The following FAM135B variants were observed in gnomAD, a reference collection of about 807,000 sequenced individuals.
FAM135B encodes family with sequence similarity 135 member B.
In FAM135B, 43 loss-of-function variants were observed where a neutral mutation model predicts 127.7. The observed-to-expected ratio is 0.34, with a 90% CI of 0.26 to 0.43. The LOEUF (loss-of-function observed/expected upper bound fraction) is 0.43, where lower values mean the gene tolerates loss of function less well. Among genes scored for constraint, FAM135B ranks in the 20% least tolerant of loss-of-function variants. The pLI is 1.00. For synonymous variants in FAM135B, 670 were observed against 665.1 expected (o/e 1.01, Z -0.11); for missense variants, 1,558 against 1,725.6 (o/e 0.90, Z 1.72).
At chr8:138,269,146 TTTC>T (rs1823174754) in intron 3 of FAM135B, among the ~76,000 whole-genome samples, 1 of 152,184 alleles carries the variant, frequency 6.6e-6, no homozygotes, top group Non-Finnish European at 1.5e-5. Flanking sequence ...GGTGCTGTAG[TTTC>T]TTCTTCTCCC....
At chr8:138,486,001 A>G (rs1449292816) in intron 1 of FAM135B, among the ~76,000 whole-genome samples, 1 of 152,062 alleles carries the variant, frequency 6.6e-6, no homozygotes, top group East Asian at 1.9e-4. Context: ...AAAGCCTCCT[A>G]GGTAATTGCA....
intron 3 of FAM135B, among the ~76,000 whole-genome samples, chr8:138,297,851 G>A (rs1825583866): frequency 6.6e-6 from 1 of 152,238 alleles, no homozygotes. Flanking sequence ...ATGAAGCTCA[G>A]GTCCATCTTG....
intron 3 of FAM135B, among the ~76,000 whole-genome samples, chr8:138,283,284 G>A (rs59250050): frequency 0.02 from 2,998 of 152,120 alleles, 68 homozygotes; most frequent in East Asian, 0.077. Context: ...GAACCAAAAC[G>A]AAATGAGCCG....
At chr8:138,135,903 T>C (rs1816618053) in intron 19 of FAM135B, among the ~76,000 whole-genome samples, 1 of 152,100 alleles carries the variant, frequency 6.6e-6, no homozygotes, top group African/African-American at 2.4e-5. Context: ...AATCAAATCA[T>C]GACACAAAAT....
intron 1 of FAM135B, among the ~76,000 whole-genome samples, chr8:138,396,665 A>C (rs992759800): frequency 2.6e-5 from 4 of 152,182 alleles, no homozygotes; most frequent in Non-Finnish European, 5.9e-5. Flanking sequence ...TACATGGAGA[A>C]GTGCCTAATA....
chr8:138,222,675 G>GT (rs1819116544), intron 7 of FAM135B, among the ~76,000 whole-genome samples: 1 of 131,690 alleles, frequency 7.6e-6, no homozygotes, highest in African/African-American at 3.0e-5. Context: ...TTTTGTTGGT[G>GT]GTGTTTTTTT....
intron 3 of FAM135B, among the ~76,000 whole-genome samples, chr8:138,297,563 G>A (rs556384941): frequency 3.3e-5 from 5 of 152,350 alleles, no homozygotes; most frequent in Admixed American, 1.3e-4. Context: ...TAACATGTGT[G>A]TAGTTAACCT....
At chr8:138,376,734 T>C (rs566077490) in intron 1 of FAM135B, among the ~76,000 whole-genome samples, 2 of 152,324 alleles carry the variant, frequency 1.3e-5, no homozygotes, top group South Asian at 2.1e-4. Flanking sequence ...GGATTAAAGA[T>C]AATCACATAT....
chr8:138,424,932 A>G (rs1213319547), intron 1 of FAM135B, among the ~76,000 whole-genome samples: 2 of 152,162 alleles, frequency 1.3e-5, no homozygotes, highest in Non-Finnish European at 2.9e-5. Context: ...TTGCTATTCA[A>G]AGTACATTAC....
At position 138,425,930 on chromosome 8, in the gene FAM135B, C is replaced by T. The variant is rs540444512; in HGVS notation, c.-19-57928G>A. On this transcript the variant is annotated intron_variant, in intron 1 of 19. Transcript: ENST00000395297. Reference sequence around the variant, plus strand: ...TTGGGAGGCCAAGGCGGGCAGATCACCTGAAGTCAGGAGTTCGAGACCAGC... The same window carrying T: ...TTGGGAGGCCAAGGCGGGCAGATCATCTGAAGTCAGGAGTTCGAGACCAGC... Among the ~76,000 whole-genome samples, 6 of 139,142 alleles carry T rather than the reference C, an allele frequency of 4.3e-5. No homozygotes were observed. The East Asian group carries it at 1.4e-3, about 32-fold the overall frequency. The allele number at this position is 139,142 out of a possible 152,430, so 91.3% of individuals were successfully genotyped here.
chr8:138,377,752 G>C (rs1519368), intron 1 of FAM135B, among the ~76,000 whole-genome samples: 75,350 of 152,106 alleles, frequency 0.5, 20,722 homozygotes, highest in East Asian at 0.82. Context: ...ATTACCCTGT[G>C]AGAATGTGCT....
chr8:138,337,068 T>C (rs1828654742), intron 2 of FAM135B, among the ~76,000 whole-genome samples: 1 of 152,158 alleles, frequency 6.6e-6, no homozygotes, highest in African/African-American at 2.4e-5. Flanking sequence ...CCCTTCATGC[T>C]AAAAACTCTC....
intron 12 of FAM135B, among the ~76,000 whole-genome samples, chr8:138,165,853 T>C (rs891382141): frequency 3.9e-5 from 6 of 152,214 alleles, no homozygotes; most frequent in East Asian, 1.9e-4. Flanking sequence ...CCATACACTA[T>C]ACTGACACTA....
intron 7 of FAM135B, among the ~76,000 whole-genome samples, chr8:138,214,911 G>C (rs1420925925): frequency 6.6e-6 from 1 of 152,182 alleles, no homozygotes; most frequent in Non-Finnish European, 1.5e-5. Flanking sequence ...TCTGTGCACT[G>C]TCTGGATAAG....
intron 1 of FAM135B, among the ~76,000 whole-genome samples, chr8:138,448,713 T>C (rs368097991): frequency 6.6e-6 from 1 of 151,242 alleles, no homozygotes; most frequent in Middle Eastern, 3.4e-3. Flanking sequence ...GAAACTAACA[T>C]ATTATATTAT....
chr8:138,265,726 G>T lies in FAM135B; in HGVS notation c.274C>A (p.His92Asn). 7 of 1,614,058 alleles carry T rather than the reference G, an allele frequency of 4.3e-6. No homozygotes were observed. Among genetic ancestry groups the T allele is most frequent in the Non-Finnish European group, 5.9e-6 (7 of 1,180,000 alleles). ...PINDAVVFRV[H>N]LLLGGERMED... is the part of the protein sequence containing the mutation. ...ACCCTTTCACCACCCAAGAGTAAAT[G>T]AACTCGGAAGACCACAGCATCATTT... is the stretch of plus-strand genomic sequence containing the variant. Residue 92 changes from histidine (H) to asparagine (N), a missense_variant, in exon 4 of 20, where the codon CAT (histidine) becomes AAT (asparagine). Physicochemically the swap from His to Asn is moderately conservative, Grantham distance 68. Around this residue, in one of 5 missense-constraint regions of FAM135B, gnomAD observed 199 missense variants for 245.7 expected, o/e 0.81. Coordinates refer to ENST00000395297, the MANE Select transcript of FAM135B (RefSeq NM_015912.4).
At chr8:138,298,784 T>C (rs1207647758) in intron 3 of FAM135B, among the ~76,000 whole-genome samples, 1 of 152,088 alleles carries the variant, frequency 6.6e-6, no homozygotes, top group African/African-American at 2.4e-5. Context: ...TAAAAAACTA[T>C]TCCCAAGGAA....
At chr8:138,215,826 CAA>C (rs1165388892) in intron 7 of FAM135B, among the ~76,000 whole-genome samples, 2 of 152,156 alleles carry the variant, frequency 1.3e-5, no homozygotes, top group Admixed American at 6.5e-5. Context: ...TGATGCCACG[CAA>C]AGATTAGAGA....
intron 12 of FAM135B, among the ~76,000 whole-genome samples, chr8:138,167,251 G>A (rs7011577): frequency 0.014 from 2,119 of 152,134 alleles, 37 homozygotes; most frequent in Middle Eastern, 0.051. Flanking sequence ...GCTGGAATGC[G>A]ATGGCGAGAT....
Sources: gnomAD v4.1 joint callset for allele counts (sites outside exome capture counted in the v4.1 genomes callset) on GRCh38, gnomAD v4.1.1 for gene constraint, gnomAD v4.1.1 regional missense constraint, MANE v1.5 for transcripts, NCBI Gene and HGNC (gene_info 2026-07-23, HGNC 2026-07-21) for gene names.